Variants in MGLL observed in about 807,000 individuals in gnomAD.
MGLL encodes monoglyceride lipase.
A neutral mutation model predicts 29.1 loss-of-function variants in MGLL; 7 were observed. That is an observed-to-expected ratio of 0.24 (90% CI 0.14 to 0.45). The LOEUF is 0.45. Ranked by LOEUF, MGLL falls within the 20% of genes least tolerant of loss-of-function variation. The pLI is 0.99. For synonymous variants in MGLL, 148 were observed against 168.3 expected, an observed-to-expected ratio of 0.88 and a Z score of 0.93; for missense variants, 356 against 413.6, an observed-to-expected ratio of 0.86 and a Z score of 1.21.
At chr3:127,702,533 C>T (rs1469094346) in intron 6 of MGLL, among the ~76,000 whole-genome samples, 1 of 152,234 alleles carries the variant, frequency 6.6e-6, no homozygotes, top group Non-Finnish European at 1.5e-5. Context: ...ATTCTCCTCT[C>T]CTGGAAGCTG....
At chr3:127,781,385 T>C (rs1330603031) in intron 3 of MGLL, among the ~76,000 whole-genome samples, 4 of 152,192 alleles carry the variant, frequency 2.6e-5, no homozygotes, top group Non-Finnish European at 4.4e-5. Context: ...TGGTCTGAAA[T>C]GCTTGGTAAA....
At chr3:127,793,536 G>C (rs1161724815) in intron 2 of MGLL, among the ~76,000 whole-genome samples, 2 of 152,178 alleles carry the variant, frequency 1.3e-5, no homozygotes, top group Non-Finnish European at 2.9e-5. Context: ...CTCTGCATAA[G>C]TGGGTCTTAT....
intron 2 of MGLL, among the ~76,000 whole-genome samples, chr3:127,792,912 C>T (rs1054138235): frequency 2.6e-5 from 4 of 152,174 alleles, no homozygotes; most frequent in Admixed American, 6.5e-5. Context: ...TTTTCTGGCC[C>T]GTGTTTTGCT....
At chr3:127,743,397 A>C (rs1183426582) in intron 3 of MGLL, among the ~76,000 whole-genome samples, 2 of 152,056 alleles carry the variant, frequency 1.3e-5, no homozygotes, top group East Asian at 1.9e-4. Flanking sequence ...TTTGTTTTCT[A>C]TGCTCCTGCG....
intron 3 of MGLL, among the ~76,000 whole-genome samples, chr3:127,735,479 A>G (rs1442715998): frequency 6.6e-6 from 1 of 152,274 alleles, no homozygotes; most frequent in Non-Finnish European, 1.5e-5. Context: ...CACAAAGTGA[A>G]GAAAGCAAAT....
At chr3:127,705,307 G>A (rs1009825477) in intron 6 of MGLL, among the ~76,000 whole-genome samples, 1 of 151,942 alleles carries the variant, frequency 6.6e-6, no homozygotes, top group Non-Finnish European at 1.5e-5. Flanking sequence ...GTTGCTGGGT[G>A]CAGTAAACCA....
At chr3:127,763,745 T>C (rs2076807550) in intron 3 of MGLL, among the ~76,000 whole-genome samples, 1 of 152,112 alleles carries the variant, frequency 6.6e-6, no homozygotes, top group Non-Finnish European at 1.5e-5. Flanking sequence ...CCCCTTCTCC[T>C]CTTCCTACTG....
At chr3:127,696,625 G>A (rs1035260938) in intron 6 of MGLL, among the ~76,000 whole-genome samples, 12 of 151,882 alleles carry the variant, frequency 7.9e-5, no homozygotes, top group African/African-American at 2.9e-4. Flanking sequence ...TGTTGGTCAG[G>A]CTGGTCTCAA....
intron 2 of MGLL, among the ~76,000 whole-genome samples, chr3:127,786,011 G>C (rs1156905302): frequency 1.3e-5 from 2 of 152,212 alleles, no homozygotes; most frequent in Admixed American, 6.5e-5. Flanking sequence ...GGACACACAG[G>C]TGTGCCTACT....
At chr3:127,737,659 T>TTTTTTTTTTTA (rs2076266996) in intron 3 of MGLL, among the ~76,000 whole-genome samples, 1 of 74,734 alleles carries the variant, frequency 1.3e-5, no homozygotes, top group African/African-American at 4.3e-5. Flanking sequence ...TTTTTTTTTT[T>TTTTTTTTTTTA]GTGAGACAGG....
At chr3:127,693,433 C>T (rs1325039544) in intron 7 of MGLL, among the ~76,000 whole-genome samples, 1 of 152,232 alleles carries the variant, frequency 6.6e-6, no homozygotes, top group Non-Finnish European at 1.5e-5. Context: ...GTTTAGACTT[C>T]ACAGGTGGTG....
intron 5 of MGLL, among the ~76,000 whole-genome samples, chr3:127,716,084 C>A (rs568027880): frequency 6.6e-6 from 1 of 152,308 alleles, no homozygotes; most frequent in South Asian, 2.1e-4. Flanking sequence ...CCAGCTCAAC[C>A]CAGACCCCAG....
intron 2 of MGLL, among the ~76,000 whole-genome samples, chr3:127,809,801 C>T (rs1262090514): frequency 6.6e-6 from 1 of 152,120 alleles, no homozygotes; most frequent in African/African-American, 2.4e-5. Flanking sequence ...AGCCAGGTGG[C>T]CTGTGGGGCT....
intron 3 of MGLL, among the ~76,000 whole-genome samples, chr3:127,744,801 T>A (rs745306380): frequency 6.6e-6 from 1 of 152,204 alleles, no homozygotes; most frequent in Non-Finnish European, 1.5e-5. Flanking sequence ...TACTGTATAT[T>A]CAGAACCAAA....
intron 3 of MGLL, among the ~76,000 whole-genome samples, chr3:127,768,577 T>G (rs543409333): frequency 4.6e-5 from 7 of 152,318 alleles, no homozygotes; most frequent in Admixed American, 2.6e-4. Context: ...CCTGACCTAC[T>G]TTACTCTGAC....
At chr3:127,753,123 A>G (rs1386781509) in intron 3 of MGLL, among the ~76,000 whole-genome samples, 1 of 152,230 alleles carries the variant, frequency 6.6e-6, no homozygotes, top group Admixed American at 6.5e-5. Flanking sequence ...AGGTGTAAAT[A>G]AAAAAGAAGC....
Position 127,692,214 on chromosome 3 carries a change from G to T in MGLL, c.926C>A (p.Thr309Asn). The T allele has an allele frequency of 6.2e-7, 1 of 1,612,122 alleles. No homozygotes were observed. The highest frequency in any genetic ancestry group is 8.5e-7 in the Non-Finnish European group (1 of 1,179,630). The change falls in exon 8 of 8, where the codon ACT becomes AAT. Residue 309 changes from threonine to asparagine, a missense_variant. Thr to Asn is a moderately conservative substitution (Grantham distance 65). Transcript: ENST00000265052. ...WVSQRTATAG[T>N]ASPP ...CCAATGCATTCAGGGTGGGGACGCA[G>T]TTCCTGCCGTGGCTGTCCTTTGAGA...
intron 2 of MGLL, among the ~76,000 whole-genome samples, chr3:127,814,738 T>C (rs60778967): frequency 0.28 from 42,874 of 152,174 alleles, 8,251 homozygotes; most frequent in African/African-American, 0.55. Context: ...GAATAGCAGC[T>C]GGCCTTGCCT....
At chr3:127,700,830 C>G (rs946403475) in intron 6 of MGLL, among the ~76,000 whole-genome samples, 1 of 152,156 alleles carries the variant, frequency 6.6e-6, no homozygotes, top group African/African-American at 2.4e-5. Flanking sequence ...TGGAAAGCCC[C>G]GATAGCTTGC....
Sources: allele counts gnomAD v4.1 joint callset (sites outside exome capture counted in the v4.1 genomes callset), GRCh38; gene constraint gnomAD v4.1.1; transcripts MANE v1.5; gene names NCBI Gene and HGNC (gene_info 2026-07-23, HGNC 2026-07-21).